The following DHX9 variants were observed in gnomAD, a reference collection of about 807,000 sequenced individuals.
DHX9 encodes the protein ATP-dependent RNA helicase A.
Under a neutral mutation model 148.7 loss-of-function variants are expected in DHX9, and 27 were observed. The observed-to-expected ratio is 0.18, with a 90% CI of 0.13 to 0.25. DHX9 has a LOEUF of 0.25. Ranked by LOEUF, DHX9 falls within the 10% of genes least tolerant of loss-of-function variation. DHX9 has a pLI of 1.00. For missense variants in DHX9, 796 were observed against 1,559.6 expected, an observed-to-expected ratio of 0.51 and a Z score of 8.25; for synonymous variants, 529 against 516.6, an observed-to-expected ratio of 1.02 and a Z score of -0.33.
chr1:182,839,989 A>G (rs1452271357), intron 1 of DHX9: 1 of 152,440 alleles, frequency 6.6e-6, no homozygotes, highest in African/African-American at 2.4e-5. Context: ...GCCAACGCGA[A>G]GGAAAAGCAG....
At chr1:182,845,355 C>T (rs1419036056) in intron 3 of DHX9, among the ~76,000 whole-genome samples, 1 of 151,244 alleles carries the variant, frequency 6.6e-6, no homozygotes, top group Non-Finnish European at 1.5e-5. Context: ...ATTTTACCTT[C>T]TTTAAGAATA....
chr1:182,840,522 T>C (rs1667904858), intron 1 of DHX9, among the ~76,000 whole-genome samples: 1 of 152,078 alleles, frequency 6.6e-6, no homozygotes, highest in Non-Finnish European at 1.5e-5. Flanking sequence ...ATGGTCTCGA[T>C]CTCTCGACCT....
intron 14 of DHX9, among the ~76,000 whole-genome samples, chr1:182,869,511 C>T (rs557418184): frequency 6.6e-6 from 1 of 152,142 alleles, no homozygotes. Context: ...CTGGTCCTGA[C>T]AGGTCTTGTC....
intron 3 of DHX9, among the ~76,000 whole-genome samples, chr1:182,846,057 C>G (rs953758229): frequency 1.3e-5 from 2 of 152,024 alleles, no homozygotes; most frequent in Non-Finnish European, 2.9e-5. Context: ...GAGGTGGGAC[C>G]GAAAGTTTCA....
intron 12 of DHX9, among the ~76,000 whole-genome samples, chr1:182,862,505 C>A (rs1340732996): frequency 1.3e-5 from 2 of 152,204 alleles, no homozygotes; most frequent in Non-Finnish European, 2.9e-5. Flanking sequence ...GTAATTTTAT[C>A]AATCCTGTAC....
intron 12 of DHX9, among the ~76,000 whole-genome samples, chr1:182,864,093 G>T (rs1648168541): frequency 1.3e-5 from 2 of 152,090 alleles, no homozygotes; most frequent in African/African-American, 4.8e-5. Context: ...GAACCTGAGA[G>T]GAATTTCTTG....
rs373455130 is a variant in DHX9, at chr1:182,887,270, G to A, written c.3649G>A (p.Gly1217Ser). Residue 1217 changes from glycine to serine, a missense_variant, in exon 28 of 28, where the codon GGC (glycine) becomes AGC (serine). Around this residue, in one of 14 missense-constraint regions of DHX9, gnomAD observed 98 missense variants for 105.5 expected, o/e 0.93. Transcript: ENST00000367549. ...RAGYGAGVGG[G>S]YRGVSRGGFR... ...AGGATATGGTGCAGGTGTTGGTGGA[G>A]GCTATAGAGGAGTTTCCCGAGGTGG... 66 of 1,614,042 alleles carry A rather than the reference G, an allele frequency of 4.1e-5. No individual in the cohort carries two copies. Among genetic ancestry groups the A allele is most frequent in the Non-Finnish European group, 5.3e-5 (63 of 1,180,046 alleles).
chr1:182,881,642 C>T lies in DHX9; in HGVS notation c.2909C>T (p.Pro970Leu), dbSNP rs773874193. The T allele has an allele frequency of 6.3e-7, 1 of 1,599,492 alleles. No individual in the cohort carries two copies. The highest frequency in any genetic ancestry group is 8.5e-7 in the Non-Finnish European group (1 of 1,175,918). ...GAGATTTTGATTAATTCTGGGTTTCCAGAAGGTAAGACTTCTTCCATTCTT... is the reference window on the plus strand; with the variant it reads ...GAGATTTTGATTAATTCTGGGTTTCTAGAAGGTAAGACTTCTTCCATTCTT... The part of the protein sequence containing the change: ...LKEILINSGF[P>L]EDCLLTQVFT... The change falls in exon 24 of 28, where the codon CCA becomes CTA. Residue 970 changes from proline to leucine, a missense_variant. By Grantham distance (98) the Pro-to-Leu change is moderately conservative. Around this residue, in one of 14 missense-constraint regions of DHX9, gnomAD observed 122 missense variants for 289.3 expected, o/e 0.42. Coordinates refer to ENST00000367549, the MANE Select transcript of DHX9 (RefSeq NM_001357.5).
At chr1:182,862,550 G>A (rs1274157856) in intron 12 of DHX9, among the ~76,000 whole-genome samples, 1 of 152,088 alleles carries the variant, frequency 6.6e-6, no homozygotes, top group Admixed American at 6.6e-5. Context: ...GGATAAGAAC[G>A]GTTCTTTGTA....
At chr1:182,852,378 A>G (rs1553238692) in intron 4 of DHX9, 34 bp downstream of exon 4, 3 of 1,434,328 alleles carry the variant, frequency 2.1e-6, no homozygotes, top group Non-Finnish European at 2.9e-6. Context: ...GTGGTGGAGA[A>G]TAAGATATAC....
chr1:182,856,416 ATT>A, intron 6 of DHX9, 114 bp from the exon 7 acceptor site: 2 of 728,972 alleles, frequency 2.7e-6, no homozygotes, highest in Non-Finnish European at 4.7e-6. Flanking sequence ...AATGTTGGTA[ATT>A]TTTTTTTTCT....
intron 14 of DHX9, among the ~76,000 whole-genome samples, chr1:182,867,859 G>C (rs576229387): frequency 6.6e-6 from 1 of 152,194 alleles, no homozygotes; most frequent in Non-Finnish European, 1.5e-5. Flanking sequence ...AAATCAACTT[G>C]CTATGCAATT....
chr1:182,864,706 A>G (rs188339824), intron 12 of DHX9, among the ~76,000 whole-genome samples: 19 of 152,342 alleles, frequency 1.2e-4, no homozygotes, highest in Non-Finnish European at 2.2e-4. Flanking sequence ...CTGTTGAAAT[A>G]GTTGTCATGA....
intron 3 of DHX9, among the ~76,000 whole-genome samples, chr1:182,851,490 CAGG>C (rs1262249257): frequency 2.6e-5 from 4 of 152,114 alleles, no homozygotes; most frequent in Admixed American, 1.3e-4. Context: ...CAGAATGAAA[CAGG>C]AGAAATTAAT....
chr1:182,876,823 T>C lies in DHX9; in HGVS notation c.2125-7T>C, dbSNP rs1648828399. 6.2e-7 allele frequency: 1 copy of C among 1,606,834 alleles called. No individual in the cohort carries two copies. Among genetic ancestry groups the C allele is most frequent in the Admixed American group, 1.7e-5 (1 of 59,626 alleles). On this transcript the variant is annotated splice_polypyrimidine_tract_variant and splice_region_variant and intron_variant, in intron 18 of 27. Coordinates refer to ENST00000367549, the MANE Select transcript of DHX9 (RefSeq NM_001357.5). The stretch of plus-strand genomic sequence containing the variant: ...TTTTCTGGAGTGTAATTTTTCTTTC[T>C]TCACAGGTTATTTTGTCCACAAATA...
intron 3 of DHX9, among the ~76,000 whole-genome samples, chr1:182,849,570 A>T (rs1343556407): frequency 2.0e-5 from 3 of 152,210 alleles, no homozygotes; most frequent in African/African-American, 7.2e-5. Flanking sequence ...GAAGCCAAGG[A>T]TGTTAAAAAC....
intron 15 of DHX9, 74 bp downstream of exon 15, chr1:182,872,567 A>G: frequency 6.9e-7 from 1 of 1,453,450 alleles, no homozygotes; most frequent in Non-Finnish European, 9.3e-7. Flanking sequence ...TGGAGATTGG[A>G]GTTACAATTT....
chr1:182,880,718 G>A (rs894042012), intron 22 of DHX9, 110 bp downstream of exon 22: 27 of 682,890 alleles, frequency 4.0e-5, no homozygotes, highest in Non-Finnish European at 6.0e-5. Flanking sequence ...AATCCTAAAT[G>A]TTCTTCAGGG....
chr1:182,878,267 G>T lies in DHX9; in HGVS notation c.2351+94G>T, dbSNP rs1486466490. The T allele has an allele frequency of 1.9e-5, 27 of 1,391,556 alleles. No individual in the cohort carries two copies. The East Asian group carries it at 6.3e-4, about 32-fold the overall frequency. 86.2% of individuals were successfully genotyped at this position (1,391,556 alleles called of 1,614,324 possible). The stretch of plus-strand genomic sequence containing the variant: ...TTATGTAAACCTGCCAATATAAGCT[G>T]ATCTAAGTCTTGCCAGCCATGTTGG... On this transcript the variant is annotated intron_variant, in intron 20 of 27. Transcript: ENST00000367549.
Sources: gnomAD v4.1 joint callset for allele counts (sites outside exome capture counted in the v4.1 genomes callset) on GRCh38, gnomAD v4.1.1 for gene constraint, gnomAD v4.1.1 regional missense constraint, MANE v1.5 for transcripts, NCBI Gene and HGNC (gene_info 2026-07-23, HGNC 2026-07-21) for gene names.